Variants in DPP10 observed in about 807,000 individuals in gnomAD.
DPP10 encodes inactive dipeptidyl peptidase 10.
In DPP10, 33 loss-of-function variants were observed where a neutral mutation model predicts 120.9. The observed-to-expected ratio is 0.27, with a 90% CI of 0.21 to 0.37. The LOEUF (loss-of-function observed/expected upper bound fraction) is 0.37. Among genes scored for constraint, DPP10 ranks in the 10% least tolerant of loss-of-function variants. DPP10 has a pLI of 1.00. For missense variants in DPP10, 816 were observed against 942.8 expected (o/e 0.87, Z 1.76); for synonymous variants, 337 against 326.1 (o/e 1.03, Z -0.36).
At chr2:115,569,005 C>T (rs1195833164) in intron 5 of DPP10, among the ~76,000 whole-genome samples, 1 of 152,128 alleles carries the variant, frequency 6.6e-6, no homozygotes, top group African/African-American at 2.4e-5. Context: ...TTTCTACTGT[C>T]CATGCCATAA....
chr2:114,925,287 T>C (rs1695539398), intron 1 of DPP10, among the ~76,000 whole-genome samples: 1 of 152,006 alleles, frequency 6.6e-6, no homozygotes, highest in African/African-American at 2.4e-5. Flanking sequence ...AGCCTACATT[T>C]TTAACAAGCT....
intron 5 of DPP10, among the ~76,000 whole-genome samples, chr2:115,623,923 C>T (rs2085167773): frequency 6.8e-6 from 1 of 147,556 alleles, no homozygotes; most frequent in South Asian, 2.1e-4. Context: ...TGAAAAGATT[C>T]TTAAAAGACC....
At chr2:115,540,383 A>G (rs2079106576) in intron 5 of DPP10, among the ~76,000 whole-genome samples, 1 of 151,878 alleles carries the variant, frequency 6.6e-6, no homozygotes, top group African/African-American at 2.4e-5. Flanking sequence ...TCCAACACCA[A>G]GTACAGTGTA....
intron 1 of DPP10, among the ~76,000 whole-genome samples, chr2:114,955,432 C>T (rs12373722): frequency 6.6e-6 from 1 of 152,172 alleles, no homozygotes; most frequent in African/African-American, 2.4e-5. Flanking sequence ...GGGTTTCAGC[C>T]TCATTTTACC....
chr2:114,680,304 C>T (rs1698943307), intron 1 of DPP10, among the ~76,000 whole-genome samples: 1 of 151,982 alleles, frequency 6.6e-6, no homozygotes, highest in South Asian at 2.1e-4. Flanking sequence ...TCACTCTAAA[C>T]TACAGAGCCA....
intron 2 of DPP10, among the ~76,000 whole-genome samples, chr2:115,317,528 T>C (rs2061852347): frequency 6.6e-6 from 1 of 152,142 alleles, no homozygotes; most frequent in Non-Finnish European, 1.5e-5. Flanking sequence ...TGTGTTTAAA[T>C]GTCTGAAGAA....
chr2:114,742,388 A>C (rs1678151918), intron 1 of DPP10, among the ~76,000 whole-genome samples: 1 of 152,262 alleles, frequency 6.6e-6, no homozygotes, highest in Non-Finnish European at 1.5e-5. Context: ...TAATGCAGGA[A>C]TAGATTATGA....
At chr2:115,297,394 T>G in intron 1 of DPP10, 1 of 188,582 alleles carries the variant, frequency 5.3e-6, no homozygotes, top group South Asian at 7.4e-5. Context: ...TAGGTATAGA[T>G]TATCTGTTGT....
intron 5 of DPP10, among the ~76,000 whole-genome samples, chr2:115,582,226 C>T (rs780626539): frequency 1.5e-4 from 23 of 152,122 alleles, no homozygotes; most frequent in South Asian, 4.2e-4. Flanking sequence ...GGCCTGCCAG[C>T]GTGTCGGAGG....
chr2:114,653,022 G>C (rs1243604519), intron 1 of DPP10, among the ~76,000 whole-genome samples: 1 of 140,540 alleles, frequency 7.1e-6, no homozygotes, highest in Non-Finnish European at 1.5e-5. Context: ...GAGAGAGAGA[G>C]AGAGAGTGTG....
At chr2:114,725,793 C>T (rs1467741443) in intron 1 of DPP10, among the ~76,000 whole-genome samples, 5 of 152,188 alleles carry the variant, frequency 3.3e-5, no homozygotes, top group African/African-American at 1.2e-4. Context: ...AGATTTGGTC[C>T]AATGCCAGTC....
At chr2:115,434,573 A>G (rs1380217628) in intron 3 of DPP10, among the ~76,000 whole-genome samples, 2 of 151,512 alleles carry the variant, frequency 1.3e-5, no homozygotes, top group African/African-American at 4.8e-5. Context: ...AATGTGGTAC[A>G]TATTTTGGAG....
chr2:115,188,294 G>C (rs146697383), intron 1 of DPP10, among the ~76,000 whole-genome samples: 2 of 152,162 alleles, frequency 1.3e-5, no homozygotes, highest in Non-Finnish European at 2.9e-5. Context: ...CAGGCAAAGA[G>C]CTAGTTGAGA....
At chr2:115,730,293 T>G (rs2149651136) in intron 8 of DPP10, among the ~76,000 whole-genome samples, 1 of 152,208 alleles carries the variant, frequency 6.6e-6, no homozygotes, top group South Asian at 2.1e-4. Flanking sequence ...TATATAGGTC[T>G]TAGTGGCTAA....
chr2:114,644,960 T>C (rs1394835626), intron 1 of DPP10, among the ~76,000 whole-genome samples: 1 of 151,960 alleles, frequency 6.6e-6, no homozygotes. Context: ...CTCCTTCTGC[T>C]GTTCAGTCAT....
intron 1 of DPP10, among the ~76,000 whole-genome samples, chr2:114,740,674 A>G (rs929954229): frequency 1.3e-5 from 2 of 152,156 alleles, no homozygotes; most frequent in African/African-American, 4.8e-5. Flanking sequence ...AGCCAGATGC[A>G]TTTCAAGTGC....
At chr2:115,636,465 A>T (rs140466324) in intron 5 of DPP10, among the ~76,000 whole-genome samples, 7 of 152,250 alleles carry the variant, frequency 4.6e-5, no homozygotes, top group African/African-American at 1.4e-4. Flanking sequence ...TGTTGTGGTT[A>T]TATATTCTTG....
intron 3 of DPP10, among the ~76,000 whole-genome samples, chr2:115,345,915 G>T (rs765255918): frequency 6.6e-6 from 1 of 152,072 alleles, no homozygotes; most frequent in African/African-American, 2.4e-5. Context: ...GGACAAAGCT[G>T]CAGTGTTATT....
At chr2:115,604,644 C>A (rs1485537825) in intron 5 of DPP10, among the ~76,000 whole-genome samples, 1 of 152,146 alleles carries the variant, frequency 6.6e-6, no homozygotes, top group Non-Finnish European at 1.5e-5. Context: ...TAGATCATAA[C>A]CTAAATCTAA....
Sources: allele counts gnomAD v4.1 joint callset (sites outside exome capture counted in the v4.1 genomes callset), GRCh38; gene constraint gnomAD v4.1.1; transcripts MANE v1.5; gene names NCBI Gene and HGNC (gene_info 2026-07-23, HGNC 2026-07-21).